PDE4D: variants seen among roughly 807,000 people sequenced by gnomAD.
PDE4D encodes the protein phosphodiesterase 4D.
Under a neutral mutation model 87.4 loss-of-function variants are expected in PDE4D, and 24 were observed. The ratio of observed to expected loss-of-function variants is 0.27; its 90% CI spans 0.20 to 0.39. The LOEUF is 0.39. Among genes scored for constraint, PDE4D ranks in the 10% least tolerant of loss-of-function variants. PDE4D has a pLI of 1.00. For synonymous variants in PDE4D, 384 were observed against 383.2 expected, an observed-to-expected ratio of 1.00 and a Z score of -0.02; for missense variants, 714 against 1,041.0, an observed-to-expected ratio of 0.69 and a Z score of 4.32.
At chr5:59,834,104 A>C (rs1474871670) in intron 1 of PDE4D, among the ~76,000 whole-genome samples, 3 of 152,066 alleles carry the variant, frequency 2.0e-5, no homozygotes, top group African/African-American at 7.2e-5. Context: ...GAAATAACCA[A>C]ATACAAATGC....
In PDE4D at chr5:60,199,502, C is replaced by A. The variant is rs542966493; in HGVS notation, c.-89-13815G>T. On this transcript the variant is annotated intron_variant, in intron 1 of 16. Coordinates refer to the PDE4D transcript ENST00000502484. ...TATTATTGTGCTAATAGATGAATTT[C>A]TTAGTGAAAATGGAAAATGGCAATT... Among the ~76,000 whole-genome samples, 9 of 151,758 alleles carry A rather than the reference C, an allele frequency of 5.9e-5. No individual in the cohort carries two copies. In the South Asian group the frequency reaches 1.9e-3, roughly 32 times the overall value.
At chr5:60,311,908 C>A (rs575325038) in intron 1 of PDE4D, among the ~76,000 whole-genome samples, 1 of 152,122 alleles carries the variant, frequency 6.6e-6, no homozygotes, top group Non-Finnish European at 1.5e-5. Context: ...ATTATAATTT[C>A]AGACAAAATT....
chr5:59,531,472 A>G (rs1432233759), intron 1 of PDE4D, among the ~76,000 whole-genome samples: 3 of 152,206 alleles, frequency 2.0e-5, no homozygotes, highest in Non-Finnish European at 4.4e-5. Flanking sequence ...GTAACAAATT[A>G]TCAGAAACTT....
intron 1 of PDE4D, among the ~76,000 whole-genome samples, chr5:60,509,028 T>G (rs1274955218): frequency 6.6e-6 from 1 of 152,096 alleles, no homozygotes; most frequent in Non-Finnish European, 1.5e-5. Context: ...GCCTCCCGAG[T>G]AGCTAGGATT....
rs181131268 is a variant in PDE4D, at chr5:60,300,821, G to A, written c.-89-115134C>T. Among the ~76,000 whole-genome samples, 484 of 151,642 alleles carry A rather than the reference G, an allele frequency of 3.2e-3. 5 individuals carry two copies. Among genetic ancestry groups the A allele is most frequent in the African/African-American group, 0.011 (459 of 41,326 alleles). On this transcript the variant is annotated intron_variant, in intron 1 of 16. Coordinates refer to the PDE4D transcript ENST00000502484. ...GGAGTCTCACTCTGTTGCCCAGGCTGGAGTGCAGTGGCACGATCTCAGCTC... is the reference window on the plus strand; with the variant it reads ...GGAGTCTCACTCTGTTGCCCAGGCTAGAGTGCAGTGGCACGATCTCAGCTC...
chr5:59,215,930 G>A lies in PDE4D; in HGVS notation c.494C>T (p.Pro165Leu). The A allele has an allele frequency of 6.2e-7, 1 of 1,613,254 alleles. No individual in the cohort carries two copies. Among genetic ancestry groups the A allele is most frequent in the Non-Finnish European group, 8.5e-7 (1 of 1,179,504 alleles). ...VDNGTSAGRS[P>L]LDPMTSPGSG... is the part of the protein sequence containing the mutation. ...TCCTGGGCTGGTCATGGGATCCAAG[G>A]GACTCCGTCCCGCAGATGTGCCATT... is the stretch of plus-strand genomic sequence containing the variant. Residue 165 changes from proline (P) to leucine (L), a missense_variant, in exon 2 of 15, where the codon CCC becomes CTC. Pro to Leu is a moderately conservative substitution (Grantham distance 98). Transcript: ENST00000340635.
chr5:60,503,488 T>G (rs1367164968), intron 1 of PDE4D, among the ~76,000 whole-genome samples: 1 of 152,210 alleles, frequency 6.6e-6, no homozygotes, highest in Non-Finnish European at 1.5e-5. Flanking sequence ...CATGTCTACA[T>G]TCCTTTGGTA....
chr5:60,079,754 C>A (rs946030701), intron 2 of PDE4D, among the ~76,000 whole-genome samples: 1 of 152,114 alleles, frequency 6.6e-6, no homozygotes, highest in Admixed American at 6.6e-5. Flanking sequence ...TCAGTACCAG[C>A]ACCATGCTGT....
intron 6 of PDE4D, among the ~76,000 whole-genome samples, chr5:59,015,935 T>C (rs1753858835): frequency 6.6e-6 from 1 of 152,190 alleles, no homozygotes; most frequent in Non-Finnish European, 1.5e-5. Flanking sequence ...CATGGAATAC[T>C]ATGCAGCCAT....
At chr5:59,293,960 G>A (rs17780175) in intron 1 of PDE4D, among the ~76,000 whole-genome samples, 44,905 of 152,046 alleles carry the variant, frequency 0.3, 7,088 homozygotes, top group Admixed American at 0.43. Flanking sequence ...TGGTGAATTA[G>A]ACGTATAAGC....
intron 2 of PDE4D, among the ~76,000 whole-genome samples, chr5:60,178,814 A>G (rs1490443931): frequency 6.6e-6 from 1 of 152,158 alleles, no homozygotes; most frequent in Non-Finnish European, 1.5e-5. Context: ...TGATTTCATA[A>G]GCAAGATCCT....
chr5:60,224,089 A>G (rs547122492), intron 1 of PDE4D, among the ~76,000 whole-genome samples: 21 of 152,258 alleles, frequency 1.4e-4, no homozygotes, highest in African/African-American at 4.1e-4. Context: ...GCTAATGCCC[A>G]CTGCTGATGT....
At chr5:60,225,295 A>G (rs1367989013) in intron 1 of PDE4D, among the ~76,000 whole-genome samples, 1 of 152,056 alleles carries the variant, frequency 6.6e-6, no homozygotes, top group Non-Finnish European at 1.5e-5. Flanking sequence ...CTTGCCTCGT[A>G]TTTATACCAG....
At chr5:59,781,794 A>AG (rs1436399408) in intron 1 of PDE4D, among the ~76,000 whole-genome samples, 1 of 149,784 alleles carries the variant, frequency 6.7e-6, no homozygotes, top group African/African-American at 2.4e-5. Flanking sequence ...CAAAAAAAAA[A>AG]AAAAAAAAAA....
At chr5:59,725,243 T>G (rs1580699142) in intron 1 of PDE4D, among the ~76,000 whole-genome samples, 1 of 152,098 alleles carries the variant, frequency 6.6e-6, no homozygotes, top group East Asian at 1.9e-4. Flanking sequence ...CCAGGACTCA[T>G]ATAGCCTTTA....
chr5:59,983,159 A>G (rs1762099308), intron 3 of PDE4D, among the ~76,000 whole-genome samples: 2 of 152,036 alleles, frequency 1.3e-5, no homozygotes, highest in Non-Finnish European at 2.9e-5. Context: ...CAGCCACCAT[A>G]AGCATGCTGT....
At chr5:59,488,904 G>T (rs892327937) in intron 1 of PDE4D, among the ~76,000 whole-genome samples, 1 of 152,092 alleles carries the variant, frequency 6.6e-6, no homozygotes, top group African/African-American at 2.4e-5. Flanking sequence ...ACTGAGATGA[G>T]TCAAATAAGG....
chr5:59,441,537 A>T (rs1408105350), intron 1 of PDE4D, among the ~76,000 whole-genome samples: 8 of 152,172 alleles, frequency 5.3e-5, no homozygotes, highest in African/African-American at 1.9e-4. Context: ...TCCTGGCAAC[A>T]CCCTTCTGGA....
chr5:59,696,288 C>T (rs1334271864), intron 1 of PDE4D, among the ~76,000 whole-genome samples: 1 of 152,150 alleles, frequency 6.6e-6, no homozygotes, highest in Non-Finnish European at 1.5e-5. Flanking sequence ...TGTATAACTG[C>T]CAATCCCTAC....
Sources: allele counts gnomAD v4.1 joint callset (sites outside exome capture counted in the v4.1 genomes callset), GRCh38; gene constraint gnomAD v4.1.1; transcripts MANE v1.5; gene names NCBI Gene and HGNC (gene_info 2026-07-23, HGNC 2026-07-21).